Variants in FRMPD4 observed in about 807,000 individuals in gnomAD.
The protein encoded by FRMPD4 is FERM and PDZ domain-containing protein 4.
FRMPD4 carries 22 observed loss-of-function variants against 94.1 expected under a neutral mutation model. That is an observed-to-expected ratio of 0.23 (90% CI 0.17 to 0.33). FRMPD4 has a LOEUF of 0.33. Ranked by LOEUF, FRMPD4 falls within the 10% of genes least tolerant of loss-of-function variation. FRMPD4 has a pLI of 1.00. For missense variants in FRMPD4, 1,111 were observed against 1,339.9 expected (o/e 0.83, Z 2.67); for synonymous variants, 631 against 548.6 (o/e 1.15, Z -2.10).
intron 1 of FRMPD4, among the ~76,000 whole-genome samples, chrX:12,494,146 A>C (rs1227198927): frequency 8.9e-6 from 1 of 112,288 alleles, no homozygotes; most frequent in Non-Finnish European, 1.9e-5. Flanking sequence ...CAGGTACTAT[A>C]CTAAGAATTG....
intron 2 of FRMPD4, among the ~76,000 whole-genome samples, chrX:12,606,907 C>T (rs1366528763): frequency 9.0e-6 from 1 of 111,452 alleles, no homozygotes; most frequent in East Asian, 2.8e-4. Flanking sequence ...ACCAGAGAAC[C>T]AAAGTGTCCA....
chrX:12,551,231 G>T (rs1450258156), intron 2 of FRMPD4, among the ~76,000 whole-genome samples: 1 of 110,955 alleles, frequency 9.0e-6, no homozygotes, highest in East Asian at 2.8e-4. Context: ...TGCCCATCAT[G>T]CAGTTTCGAC....
rs188813207 is a variant in FRMPD4, at chrX:11,903,062, G to T, written c.95+25044G>T. Among the ~76,000 whole-genome samples the T allele has an allele frequency of 4.3e-3, 485 of 112,202 alleles. 4 individuals carry two copies. The highest frequency in any genetic ancestry group is 0.015 in the African/African-American group (467 of 30,896). ...AAGGAAACTGAGGAAGGCAGAGTTT[G>T]GCAGAATGAAGTGGCATTGAACAGG... On this transcript the variant is annotated intron_variant, in intron 3 of 18. Coordinates refer to the FRMPD4 transcript ENST00000640291.
chrX:12,262,132 G>A (rs2054198362), intron 1 of FRMPD4, among the ~76,000 whole-genome samples: 1 of 111,815 alleles, frequency 8.9e-6, no homozygotes, highest in Admixed American at 9.4e-5. Flanking sequence ...TGAAAGTAAA[G>A]TTTTATTGGA....
At chrX:11,864,652 C>T (rs778177985) in intron 1 of FRMPD4, among the ~76,000 whole-genome samples, 2 of 111,278 alleles carry the variant, frequency 1.8e-5, no homozygotes, top group Non-Finnish European at 3.8e-5. Flanking sequence ...AATTGACGTC[C>T]TGTTTATCCA....
chrX:12,673,370 C>T (rs1409560783), intron 4 of FRMPD4, among the ~76,000 whole-genome samples: 1 of 111,889 alleles, frequency 8.9e-6, no homozygotes, highest in Non-Finnish European at 1.9e-5. Context: ...ATCTGTTATC[C>T]TGGAGATGGA....
intron 1 of FRMPD4, among the ~76,000 whole-genome samples, chrX:12,492,081 T>C (rs2057798235): frequency 1.8e-5 from 2 of 111,866 alleles, no homozygotes; most frequent in African/African-American, 6.5e-5. Flanking sequence ...GAGATGCAAA[T>C]GCACAGTACA....
At chrX:12,387,855 T>C (rs777337482) in intron 1 of FRMPD4, among the ~76,000 whole-genome samples, 1 of 109,935 alleles carries the variant, frequency 9.1e-6, no homozygotes, top group African/African-American at 3.3e-5. Context: ...GTTGTGGTCT[T>C]AGCACATCTG....
intron 4 of FRMPD4, among the ~76,000 whole-genome samples, chrX:12,662,463 G>A (rs1439684606): frequency 9.0e-6 from 1 of 111,207 alleles, no homozygotes; most frequent in Non-Finnish European, 1.9e-5. Context: ...TTGGTTTTCT[G>A]TTCCTGTGTT....
chrX:12,111,052 A>G (rs1469076709), intron 3 of FRMPD4, among the ~76,000 whole-genome samples: 1 of 111,891 alleles, frequency 8.9e-6, no homozygotes, highest in Non-Finnish European at 1.9e-5. Flanking sequence ...CTTTCTTCAC[A>G]AAATTGGAAA....
At chrX:11,826,155 C>T (rs2053442549) in intron 1 of FRMPD4, among the ~76,000 whole-genome samples, 2 of 111,852 alleles carry the variant, frequency 1.8e-5, no homozygotes, top group Admixed American at 9.5e-5. Context: ...TTAGTTTTAG[C>T]ATATTTTATT....
intron 3 of FRMPD4, among the ~76,000 whole-genome samples, chrX:12,091,223 A>C (rs1259254034): frequency 5.5e-5 from 6 of 108,346 alleles, no homozygotes; most frequent in Non-Finnish European, 1.2e-4. Context: ...CATTGCTGCA[A>C]ATTGTATCAG....
chrX:12,316,408 CTCCCAAAGT>C (rs2055117042), intron 1 of FRMPD4, among the ~76,000 whole-genome samples: 1 of 111,354 alleles, frequency 9.0e-6, no homozygotes, highest in South Asian at 3.8e-4. Flanking sequence ...CCGCCTCGGC[CTCCCAAAGT>C]GCCGGGATTA....
chrX:12,354,618 C>T (rs72612881), intron 1 of FRMPD4, among the ~76,000 whole-genome samples: 10,127 of 112,150 alleles, frequency 0.09, 468 homozygotes, highest in Middle Eastern at 0.14. Flanking sequence ...CAGGCCAAGA[C>T]GTCATTCCTT....
At chrX:11,830,154 G>C (rs1461070781) in intron 1 of FRMPD4, among the ~76,000 whole-genome samples, 1 of 111,600 alleles carries the variant, frequency 9.0e-6, no homozygotes, top group Non-Finnish European at 1.9e-5. Context: ...TTGATCTGGA[G>C]ATATAACTAT....
intron 1 of FRMPD4, among the ~76,000 whole-genome samples, chrX:11,831,988 T>C (rs1479056957): frequency 9.0e-6 from 1 of 111,710 alleles, no homozygotes; most frequent in African/African-American, 3.3e-5. Context: ...AAGAGGAAAA[T>C]GACCTGGGCA....
chrX:12,232,357 C>T (rs2057020294), intron 1 of FRMPD4, among the ~76,000 whole-genome samples: 1 of 111,379 alleles, frequency 9.0e-6, no homozygotes, highest in Middle Eastern at 4.6e-3. Context: ...GAAGCGAACA[C>T]GTCCTTCACA....
chrX:12,619,241 GACATGTC>G (rs2059265396), intron 4 of FRMPD4, among the ~76,000 whole-genome samples: 1 of 112,117 alleles, frequency 8.9e-6, no homozygotes, highest in African/African-American at 3.2e-5. Flanking sequence ...ACATCTGTCA[GACATGTC>G]ACCCCTTCTA....
At chrX:11,851,096 G>T (rs1268581249) in intron 1 of FRMPD4, among the ~76,000 whole-genome samples, 1 of 111,901 alleles carries the variant, frequency 8.9e-6, no homozygotes, top group Non-Finnish European at 1.9e-5. Context: ...ACTGGCACAG[G>T]TGGGGTGGAA....
Sources: gnomAD v4.1 joint callset for allele counts (sites outside exome capture counted in the v4.1 genomes callset) on GRCh38, gnomAD v4.1.1 for gene constraint, MANE v1.5 for transcripts, NCBI Gene and HGNC (gene_info 2026-07-23, HGNC 2026-07-21) for gene names.